Variants in ANKRD12 observed in about 807,000 individuals in gnomAD.
The protein encoded by ANKRD12 is ankyrin repeat domain 12.
A neutral mutation model predicts 183.4 loss-of-function variants in ANKRD12; 85 were observed. The ratio of observed to expected loss-of-function variants is 0.46; its 90% CI spans 0.39 to 0.56. The LOEUF (loss-of-function observed/expected upper bound fraction) is 0.56. Ranked by LOEUF, ANKRD12 falls within the 20% of genes least tolerant of loss-of-function variation. ANKRD12 has a pLI of 0.00. For missense variants in ANKRD12, 2,405 were observed against 2,357.1 expected (o/e 1.02, Z -0.42); for synonymous variants, 914 against 800.2 (o/e 1.14, Z -2.40).
At position 9,214,219 on chromosome 18, in the gene ANKRD12, T is replaced by G. The variant is rs541738465; in HGVS notation, c.652+2435T>G. On this transcript the variant is annotated intron_variant, in intron 6 of 12. Coordinates refer to ENST00000262126, the MANE Select transcript of ANKRD12 (RefSeq NM_015208.5). Reference sequence around the variant, plus strand: ...GATACCTACATACTAGTCTGTTCTATCACTTACTACCATAAAATATACACA... The same window carrying G: ...GATACCTACATACTAGTCTGTTCTAGCACTTACTACCATAAAATATACACA... Among the ~76,000 whole-genome samples, 21 of 152,246 alleles carry G rather than the reference T, an allele frequency of 1.4e-4. No homozygotes were observed. In the South Asian group the frequency reaches 4.4e-3, roughly 32 times the overall value.
rs183281042 is a variant in ANKRD12, at chr18:9,176,833, A to T, written c.-51-5549A>T. ...GTGATCCCAAGTAGTTATGCCATTT[A>T]AAAAAAAAGACACCAAGAGAATACT... On this transcript the variant is annotated intron_variant, in intron 1 of 12. Coordinates refer to ENST00000262126, the MANE Select transcript of ANKRD12 (RefSeq NM_015208.5). 1.7e-3 allele frequency among the ~76,000 whole-genome samples: 263 copies of T among 151,422 alleles called. 3 individuals carry two copies. The highest frequency in any genetic ancestry group is 6.9e-4 in the Non-Finnish European group (47 of 67,780).
At chr18:9,229,405 T>C (rs1382429762) in intron 8 of ANKRD12, among the ~76,000 whole-genome samples, 1 of 152,318 alleles carries the variant, frequency 6.6e-6, no homozygotes, top group East Asian at 1.9e-4. Context: ...TGTAATGACA[T>C]TAATTCTTCT....
intron 9 of ANKRD12, among the ~76,000 whole-genome samples, chr18:9,260,857 T>C (rs2038924177): frequency 6.6e-6 from 1 of 152,188 alleles, no homozygotes; most frequent in East Asian, 1.9e-4. Context: ...CCTTGGCTTC[T>C]TTTTTGTAAC....
chr18:9,284,684 A>G lies in ANKRD12; in HGVS notation c.*3558A>G, dbSNP rs949459127. The G allele has an allele frequency of 2.0e-5, 3 of 152,162 alleles. No individual in the cohort carries two copies. Among genetic ancestry groups the G allele is most frequent in the Non-Finnish European group, 4.4e-5 (3 of 68,010 alleles). 9.4% of individuals were successfully genotyped at this position (152,162 alleles called of 1,614,324 possible). On this transcript the variant is annotated 3_prime_UTR_variant, in exon 13 of 13. Transcript: ENST00000262126. ...ATGGAGTTTTTTTTTAAGCCTCCAC[A>G]GAGATAGTCACCCAAAGTATTTCCA...
At chr18:9,173,641 C>A (rs1443037572) in intron 1 of ANKRD12, among the ~76,000 whole-genome samples, 1 of 150,734 alleles carries the variant, frequency 6.6e-6, no homozygotes, top group African/African-American at 2.5e-5. Context: ...GGGGGCAGTA[C>A]TGACCTGTTG....
intron 1 of ANKRD12, among the ~76,000 whole-genome samples, chr18:9,158,095 CAG>C (rs1272423207): frequency 1.3e-5 from 2 of 152,064 alleles, no homozygotes; most frequent in African/African-American, 4.8e-5. Context: ...TCCAAACCAT[CAG>C]AGTTACCTGA....
chr18:9,251,326 C>T (rs925892266), intron 8 of ANKRD12, among the ~76,000 whole-genome samples: 6 of 152,144 alleles, frequency 3.9e-5, no homozygotes, highest in African/African-American at 1.4e-4. Context: ...ATTGATGGTT[C>T]AGGGGAACAG....
intron 8 of ANKRD12, among the ~76,000 whole-genome samples, chr18:9,251,623 G>C (rs2038303656): frequency 6.6e-6 from 1 of 152,022 alleles, no homozygotes; most frequent in Admixed American, 6.5e-5. Flanking sequence ...GTGAAACCCT[G>C]TCTCTACTGA....
At chr18:9,232,353 C>A (rs751490447) in intron 8 of ANKRD12, among the ~76,000 whole-genome samples, 2 of 152,128 alleles carry the variant, frequency 1.3e-5, no homozygotes, top group Non-Finnish European at 2.9e-5. Context: ...GGGAAAGATT[C>A]TATTTCTTCT....
chr18:9,145,968 G>A (rs1274764804), intron 1 of ANKRD12, among the ~76,000 whole-genome samples: 1 of 152,144 alleles, frequency 6.6e-6, no homozygotes, highest in Non-Finnish European at 1.5e-5. Context: ...AAGAGGTTCT[G>A]TGTATATTTT....
In ANKRD12 at chr18:9,150,739, C is replaced by T. The variant is rs147540120; in HGVS notation, c.-52+13774C>T. The stretch of plus-strand genomic sequence containing the variant: ...TGTGATTTCGGCTCACTGCAAGGTC[C>T]GCCTCCCAGGTTCAGGCCATTCTCC... On this transcript the variant is annotated intron_variant, in intron 1 of 12. Coordinates refer to ENST00000262126, the MANE Select transcript of ANKRD12 (RefSeq NM_015208.5). Among the ~76,000 whole-genome samples, 351 of 152,098 alleles carry T rather than the reference C, an allele frequency of 2.3e-3. 2 individuals carry two copies. The highest frequency in any genetic ancestry group is 8.3e-3 in the South Asian group (40 of 4,820).
rs2038753908 is a variant in ANKRD12, at chr18:9,258,179, G to A, written c.4912G>A (p.Glu1638Lys). ...TTCACATGAAAAAGAAAACAAACTG[G>A]AGAGTTTGGTTTTAACTCATTTGAG... Reference protein sequence around the residue: ...VISHEKENKLESLVLTHLSRC... With the variant: ...VISHEKENKLKSLVLTHLSRC... The change falls in exon 9 of 13, where the codon GAG becomes AAG. Residue 1638 changes from glutamate (E) to lysine (K), a missense_variant. Transcript: ENST00000262126. The A allele has an allele frequency of 6.2e-7, 1 of 1,613,718 alleles. No individual in the cohort carries two copies. Among genetic ancestry groups the A allele is most frequent in the South Asian group, 1.1e-5 (1 of 91,076 alleles).
At chr18:9,259,077 C>A in intron 9 of ANKRD12, 146 bp downstream of exon 9, 2 of 992,718 alleles carry the variant, frequency 2.0e-6, no homozygotes, top group Admixed American at 3.0e-5. Context: ...AAGCTAGTAA[C>A]GTTCTTGTTT....
At chr18:9,235,759 A>G (rs1273476709) in intron 8 of ANKRD12, 17 of 443,612 alleles carry the variant, frequency 3.8e-5, no homozygotes, top group South Asian at 2.4e-4. Context: ...TCTTTAACAG[A>G]TATTTTGTGT....
chr18:9,206,380 TATATA>T (rs1159707612), intron 4 of ANKRD12, among the ~76,000 whole-genome samples: 1 of 152,030 alleles, frequency 6.6e-6, no homozygotes, highest in Non-Finnish European at 1.5e-5. Flanking sequence ...CTTTATAAGA[TATATA>T]ATATATTATC....
At chr18:9,238,076 A>G (rs2037450717) in intron 8 of ANKRD12, among the ~76,000 whole-genome samples, 1 of 152,174 alleles carries the variant, frequency 6.6e-6, no homozygotes, top group Admixed American at 6.5e-5. Flanking sequence ...GAAATTCTCC[A>G]TAGAATTTGA....
chr18:9,279,736 G>A, intron 12 of ANKRD12, 92 bp downstream of exon 12: 1 of 718,238 alleles, frequency 1.4e-6, no homozygotes, highest in Non-Finnish European at 2.3e-6. Context: ...AAATAATTAG[G>A]AGGGGAAATA....
In ANKRD12 at chr18:9,256,911, C is replaced by A. The variant is rs781772785; in HGVS notation, c.3644C>A (p.Ser1215Tyr). 1 of 1,614,006 alleles carries A rather than the reference C, an allele frequency of 6.2e-7. No individual in the cohort carries two copies. Among genetic ancestry groups the A allele is most frequent in the Non-Finnish European group, 8.5e-7 (1 of 1,179,952 alleles). ...ATTTCTGTTGCTAGTTCAGAAGATTCCTGCCATACTACAGTGACAACCCCA... is the reference window on the plus strand; with the variant it reads ...ATTTCTGTTGCTAGTTCAGAAGATTACTGCCATACTACAGTGACAACCCCA... ...SMISVASSED[S>Y]CHTTVTTPRP... is the part of the protein sequence containing the mutation. Residue 1215 changes from serine to tyrosine, a missense_variant, in exon 9 of 13, where the codon TCC (serine) becomes TAC (tyrosine). Physicochemically the swap from Ser to Tyr is moderately radical, Grantham distance 144. Coordinates refer to ENST00000262126, the MANE Select transcript of ANKRD12 (RefSeq NM_015208.5).
At chr18:9,275,249 G>T (rs2039775786) in intron 10 of ANKRD12, among the ~76,000 whole-genome samples, 1 of 152,142 alleles carries the variant, frequency 6.6e-6, no homozygotes. Flanking sequence ...AGGATCACTT[G>T]AGCCCAGGAT....
Sources: gnomAD v4.1 joint callset for allele counts (sites outside exome capture counted in the v4.1 genomes callset) on GRCh38, gnomAD v4.1.1 for gene constraint, MANE v1.5 for transcripts, NCBI Gene and HGNC (gene_info 2026-07-23, HGNC 2026-07-21) for gene names.